PHF3: variants seen among roughly 807,000 people sequenced by gnomAD.
PHF3 encodes the protein PHD finger protein 3.
In PHF3, 41 loss-of-function variants were observed where a neutral mutation model predicts 178.4. The observed-to-expected ratio is 0.23, with a 90% CI of 0.18 to 0.30. The LOEUF (loss-of-function observed/expected upper bound fraction) is 0.30. Among genes scored for constraint, PHF3 ranks in the 10% least tolerant of loss-of-function variants. The probability of loss-of-function intolerance (pLI) is 1.00; values close to 1 mark genes in which losing one functional copy is unlikely to be tolerated. For synonymous variants in PHF3, 842 were observed against 800.5 expected (o/e 1.05, Z -0.88); for missense variants, 2,346 against 2,398.1 (o/e 0.98, Z 0.45).
rs1331443268 is a variant in PHF3 at position 63,713,322 on chromosome 6, C to A, written c.5734C>A (p.Pro1912Thr). The A allele has an allele frequency of 6.2e-7, 1 of 1,613,836 alleles. No individual in the cohort carries two copies. The highest frequency in any genetic ancestry group is 1.7e-5 in the Admixed American group (1 of 59,944). The change falls in exon 16 of 16, where the codon CCA (proline) becomes ACA (threonine). Residue 1912 changes from proline (P) to threonine (T), a missense_variant. Transcript: ENST00000262043. ...GRQDQQQLDR[P>T]FNRGKGDRQR... Reference sequence around the variant, plus strand: ...GCAAGACCAACAGCAACTGGATAGGCCATTTAATAGGGGTAAAGGGGACCG... The same window carrying A: ...GCAAGACCAACAGCAACTGGATAGGACATTTAATAGGGGTAAAGGGGACCG...
intron 6 of PHF3, among the ~76,000 whole-genome samples, chr6:63,696,680 C>G: frequency 6.6e-6 from 1 of 152,108 alleles, no homozygotes; most frequent in East Asian, 1.9e-4. Context: ...AATGGGTGGC[C>G]TGTGAGGAAA....
Position 63,721,579 on chromosome 6 carries a change from T to A in PHF3, c.*7871T>A. 1 of 1,551,770 alleles carries A rather than the reference T, an allele frequency of 6.4e-7. No individual in the cohort carries two copies. Among genetic ancestry groups the A allele is most frequent in the Non-Finnish European group, 8.7e-7 (1 of 1,146,860 alleles). Reference sequence around the variant, plus strand: ...ACTCCTCCAATATAGAAGTCTGTATTTGTGTCCAGAGAACTCATTTTAGTG... The same window carrying A: ...ACTCCTCCAATATAGAAGTCTGTATATGTGTCCAGAGAACTCATTTTAGTG... On this transcript the variant is annotated 3_prime_UTR_variant, in exon 16 of 16. Coordinates refer to ENST00000262043, the MANE Select transcript of PHF3 (RefSeq NM_001370348.2).
Position 63,684,932 on chromosome 6 carries a change from G to A in PHF3, c.1210G>A (p.Asp404Asn). The A allele has an allele frequency of 6.2e-7, 1 of 1,614,096 alleles. No homozygotes were observed. Among genetic ancestry groups the A allele is most frequent in the East Asian group, 2.2e-5 (1 of 44,870 alleles). ...AATTGAACCGTTGGGTTATTGTGAA[G>A]ATGCGGAGTCTAATAGGCAGTTGGA... ...NKIEPLGYCE[D>N]AESNRQLEST... is the part of the protein sequence containing the mutation. Residue 404 changes from aspartate to asparagine, a missense_variant, in exon 4 of 16, where the codon GAT becomes AAT. Transcript: ENST00000262043.
chr6:63,649,394 T>C (rs1764928725), intron 2 of PHF3, among the ~76,000 whole-genome samples: 1 of 152,212 alleles, frequency 6.6e-6, no homozygotes, highest in Non-Finnish European at 1.5e-5. Flanking sequence ...CTAGCTGTTT[T>C]CATTGAAGCT....
At position 63,703,692 on chromosome 6, in the gene PHF3, G is replaced by A. The variant is rs189738783; in HGVS notation, c.3367+21G>A. 1,952 of 1,579,194 alleles carry A rather than the reference G, an allele frequency of 1.2e-3. 16 individuals carry two copies. Among genetic ancestry groups the A allele is most frequent in the Admixed American group, 1.1e-3 (55 of 49,858 alleles). ...CATAGGTAATTGGAAGTTTTTCTTC[G>A]TAAAATTTTGCATTCATTATGAAAG... is the stretch of plus-strand genomic sequence containing the variant. On this transcript the variant is annotated intron_variant, in intron 11 of 15. Transcript: ENST00000262043.
chr6:63,673,681 G>T (rs998492001), intron 2 of PHF3, among the ~76,000 whole-genome samples: 1 of 152,128 alleles, frequency 6.6e-6, no homozygotes. Flanking sequence ...AATCAAGGGG[G>T]CAGGGTACCC....
At chr6:63,693,605 C>T (rs951002129) in intron 5 of PHF3, among the ~76,000 whole-genome samples, 6 of 152,092 alleles carry the variant, frequency 3.9e-5, no homozygotes, top group African/African-American at 9.7e-5. Context: ...AGTGAAACTC[C>T]GTCTCATAAA....
At chr6:63,681,270 A>G (rs1161359982) in intron 3 of PHF3, among the ~76,000 whole-genome samples, 3 of 151,996 alleles carry the variant, frequency 2.0e-5, no homozygotes, top group Non-Finnish European at 2.9e-5. Flanking sequence ...TTGATATTTC[A>G]TGATGATATG....
In PHF3 at chr6:63,684,097, G is replaced by A. The variant is rs576862875; in HGVS notation, c.407-32G>A. 2.4e-5 allele frequency: 35 copies of A among 1,451,284 alleles called. No individual in the cohort carries two copies. In the South Asian group the frequency reaches 4.4e-4, roughly 18 times the overall value. The allele number at this position is 1,451,284 out of a possible 1,614,324, so 89.9% of individuals were successfully genotyped here. ...TAAAAGCACATGACAAAATAGCTAA[G>A]TATTTTTATTTATTTTTTCCCCCTG... is the stretch of plus-strand genomic sequence containing the variant. On this transcript the variant is annotated intron_variant, in intron 3 of 15. Coordinates refer to ENST00000262043, the MANE Select transcript of PHF3 (RefSeq NM_001370348.2).
rs763298881 is a variant in PHF3, at chr6:63,684,815, A to G, written c.1093A>G (p.Ser365Gly). 14 of 1,613,994 alleles carry G rather than the reference A, an allele frequency of 8.7e-6. No individual in the cohort carries two copies. The highest frequency in any genetic ancestry group is 3.3e-5 in the Admixed American group (2 of 60,016). ...AGAAAACAGCCTTGTAGGTTTGCCT[A>G]GTTGTGTAGATGAAGTGACTGAATG... Reference protein sequence around the residue: ...KTENSLVGLPSCVDEVTECNL... With the variant: ...KTENSLVGLPGCVDEVTECNL... The change falls in exon 4 of 16, where the codon AGT (serine) becomes GGT (glycine). Residue 365 changes from serine to glycine, a missense_variant. By Grantham distance (56) the Ser-to-Gly change is moderately conservative. Transcript: ENST00000262043.
rs1768527765 is a variant in PHF3, at chr6:63,724,273, T to A, written c.*10565T>A. On this transcript the variant is annotated 3_prime_UTR_variant, in exon 16 of 16. Coordinates refer to ENST00000262043, the MANE Select transcript of PHF3 (RefSeq NM_001370348.2). ...CTGCTATTGTTTCTACCTCATCATC[T>A]GCTATCCCACCGTGCTTTATTATAG... Among the ~76,000 whole-genome samples the A allele has an allele frequency of 6.6e-6, 1 of 152,202 alleles. No individual in the cohort carries two copies. Among genetic ancestry groups the A allele is most frequent in the African/African-American group, 2.4e-5 (1 of 41,458 alleles).
At chr6:63,641,569 T>TGTGTGTGTGTG (rs61579289) in intron 1 of PHF3, among the ~76,000 whole-genome samples, 1 of 145,374 alleles carries the variant, frequency 6.9e-6, no homozygotes, top group South Asian at 2.2e-4. Flanking sequence ...TGTGTGTGTG[T>TGTGTGTGTGTG]TTTAGGAAAT....
Position 63,706,311 on chromosome 6 carries a change from C to G in PHF3, c.3563+87C>G, listed in dbSNP as rs1767690851. ...CAAGTCTTCAAAAACAGAAAAGTGA[C>G]ATTTTGGGAACCTCTCATTTGAGAA... On this transcript the variant is annotated intron_variant, in intron 12 of 15. Transcript: ENST00000262043. The G allele has an allele frequency of 3.0e-6, 3 of 991,382 alleles. No homozygotes were observed. The African/African-American group carries it at 4.9e-5, about 16-fold the overall frequency. The allele number at this position is 991,382 out of a possible 1,614,324, so 61.4% of individuals were successfully genotyped here. A position where few individuals can be genotyped will look rare whatever the true frequency, so the allele number is the denominator to read the frequency against.
intron 1 of PHF3, among the ~76,000 whole-genome samples, chr6:63,642,813 A>T (rs577067847): frequency 3.7e-4 from 57 of 152,318 alleles, no homozygotes; most frequent in African/African-American, 1.3e-3. Context: ...AATTTGTTTA[A>T]TTAACAAAGA....
chr6:63,700,327 T>C, intron 8 of PHF3, 23 bp from the exon 9 acceptor site: 1 of 1,175,212 alleles, frequency 8.5e-7, no homozygotes, highest in South Asian at 1.4e-5. Context: ...TCCCCTTCTA[T>C]TCCTATTTTA....
At chr6:63,658,483 A>G (rs1420180095) in intron 2 of PHF3, among the ~76,000 whole-genome samples, 2 of 152,176 alleles carry the variant, frequency 1.3e-5, no homozygotes, top group African/African-American at 2.4e-5. Context: ...TAATTAAGTC[A>G]TAATAAATAT....
Position 63,698,225 on chromosome 6 carries a change from A to G in PHF3, c.2683A>G (p.Thr895Ala), listed in dbSNP as rs759402520. The G allele has an allele frequency of 1.2e-5, 20 of 1,605,176 alleles. No homozygotes were observed. Among genetic ancestry groups the G allele is most frequent in the Non-Finnish European group, 1.4e-5 (16 of 1,174,358 alleles). Reference protein sequence around the residue: ...CTGEKASKPGTHEKQEMKKKK... With the variant: ...CTGEKASKPGAHEKQEMKKKK... ...GTTTCGATATTTATTCAAATTAGGT[A>G]CTCATGAGAAGCAAGAGATGAAAAA... Residue 895 changes from threonine (T) to alanine (A), a missense_variant and splice_region_variant, in exon 7 of 16, where the codon ACT becomes GCT. By Grantham distance (58) the Thr-to-Ala change is moderately conservative. Coordinates refer to ENST00000262043, the MANE Select transcript of PHF3 (RefSeq NM_001370348.2).
intron 4 of PHF3, among the ~76,000 whole-genome samples, chr6:63,687,112 T>A (rs1459943885): frequency 6.6e-6 from 1 of 152,134 alleles, no homozygotes; most frequent in East Asian, 1.9e-4. Context: ...AATTATATGG[T>A]TTTTTTATTT....
chr6:63,674,947 A>G (rs147749100), intron 2 of PHF3, among the ~76,000 whole-genome samples: 67 of 152,300 alleles, frequency 4.4e-4, no homozygotes, highest in African/African-American at 1.5e-3. Flanking sequence ...ACAAATCTCT[A>G]TTGTTGAGCA....
Sources: allele counts gnomAD v4.1 joint callset (sites outside exome capture counted in the v4.1 genomes callset), GRCh38; gene constraint gnomAD v4.1.1; transcripts MANE v1.5; gene names NCBI Gene and HGNC (gene_info 2026-07-23, HGNC 2026-07-21).